The following SLC39A11 variants were observed in gnomAD, a reference collection of about 807,000 sequenced individuals.
The protein encoded by SLC39A11 is solute carrier family 39 member 11.
Under a neutral mutation model 36.1 loss-of-function variants are expected in SLC39A11, and 33 were observed. That is an observed-to-expected ratio of 0.91 (90% confidence interval 0.69 to 1.22). The LOEUF (loss-of-function observed/expected upper bound fraction) is 1.22. Among genes scored for constraint, SLC39A11 ranks in the 50% most tolerant of loss-of-function variants. The pLI is 0.00. For missense variants in SLC39A11, 432 were observed against 430.3 expected (o/e 1.00, Z -0.03); for synonymous variants, 166 against 170.3 (o/e 0.97, Z 0.20).
chr17:73,089,030 A>G (rs1263708078), intron 1 of SLC39A11, among the ~76,000 whole-genome samples: 1 of 152,310 alleles, frequency 6.6e-6, no homozygotes, highest in East Asian at 1.9e-4. Context: ...TCCACAAAAA[A>G]GGCTGCAACA....
chr17:72,884,894 A>T (rs2081373468), intron 5 of SLC39A11, among the ~76,000 whole-genome samples: 1 of 152,228 alleles, frequency 6.6e-6, no homozygotes, highest in Non-Finnish European at 1.5e-5. Flanking sequence ...AAAAATGCAT[A>T]ACGAGAGGAA....
intron 6 of SLC39A11, among the ~76,000 whole-genome samples, chr17:72,755,245 T>C (rs953001133): frequency 2.6e-5 from 4 of 152,210 alleles, no homozygotes; most frequent in African/African-American, 7.2e-5. Context: ...GAAGGAAACC[T>C]TTGCAAGTAA....
At chr17:72,688,238 C>G (rs2071848253) in intron 7 of SLC39A11, among the ~76,000 whole-genome samples, 1 of 152,198 alleles carries the variant, frequency 6.6e-6, no homozygotes, top group Admixed American at 6.5e-5. Context: ...GCCTAAGATA[C>G]CTGAATGAAG....
chr17:72,648,343 A>G lies in SLC39A11; in HGVS notation c.929+460T>C, dbSNP rs550546141. 1.5e-4 allele frequency among the ~76,000 whole-genome samples: 18 copies of G among 116,834 alleles called. No homozygotes were observed. In the East Asian group the frequency reaches 4.5e-3, roughly 29 times the overall value. The allele number at this position is 116,834 out of a possible 152,430, so 76.6% of individuals were successfully genotyped here. A position where few individuals can be genotyped will look rare whatever the true frequency, so the allele number is the denominator to read the frequency against. On this transcript the variant is annotated intron_variant, in intron 9 of 9. Coordinates refer to ENST00000255559, the MANE Select transcript of SLC39A11 (RefSeq NM_139177.4). ...AGACTCTGCCATTAAAAAAAAAAAA[A>G]AAAAGAAAAACAAAACAAAACAAAA...
intron 3 of SLC39A11, among the ~76,000 whole-genome samples, chr17:73,071,999 C>T (rs187751498): frequency 6.6e-6 from 1 of 152,112 alleles, no homozygotes; most frequent in Non-Finnish European, 1.5e-5. Context: ...AAAAATGAGC[C>T]GACTACCCTA....
intron 6 of SLC39A11, among the ~76,000 whole-genome samples, chr17:72,772,472 T>C (rs1369926513): frequency 1.3e-5 from 2 of 152,288 alleles, no homozygotes; most frequent in African/African-American, 4.8e-5. Context: ...TATCTCTCCG[T>C]TAATCCGGAA....
chr17:72,934,537 G>A (rs1473319105), intron 5 of SLC39A11, among the ~76,000 whole-genome samples: 1 of 152,122 alleles, frequency 6.6e-6, no homozygotes, highest in African/African-American at 2.4e-5. Flanking sequence ...AGGGTGGCGT[G>A]TGCCTGTAGT....
intron 4 of SLC39A11, among the ~76,000 whole-genome samples, chr17:72,990,946 C>T (rs2089133377): frequency 1.3e-5 from 2 of 152,158 alleles, no homozygotes; most frequent in South Asian, 2.1e-4. Context: ...AAATACAATT[C>T]GTTTTTCCTT....
At chr17:72,964,715 C>G (rs2086843962) in intron 4 of SLC39A11, among the ~76,000 whole-genome samples, 1 of 152,262 alleles carries the variant, frequency 6.6e-6, no homozygotes, top group South Asian at 2.1e-4. Flanking sequence ...GGATCTAGAA[C>G]TAGAAATACC....
chr17:72,693,881 C>T (rs1422899571), intron 7 of SLC39A11, among the ~76,000 whole-genome samples: 1 of 152,202 alleles, frequency 6.6e-6, no homozygotes, highest in African/African-American at 2.4e-5. Flanking sequence ...CCAGGCTGGT[C>T]TCGAATTTCT....
At chr17:72,725,007 T>C (rs2073866733) in intron 7 of SLC39A11, among the ~76,000 whole-genome samples, 1 of 152,228 alleles carries the variant, frequency 6.6e-6, no homozygotes, top group Non-Finnish European at 1.5e-5. Flanking sequence ...ATGAATGACT[T>C]GATGGCAAAT....
chr17:72,900,665 C>A (rs72847964), intron 5 of SLC39A11, among the ~76,000 whole-genome samples: 1 of 151,846 alleles, frequency 6.6e-6, no homozygotes. Flanking sequence ...GGGGGGCAGG[C>A]GCGCCCTCCA....
chr17:72,837,508 GA>G, intron 6 of SLC39A11, among the ~76,000 whole-genome samples: 2 of 152,220 alleles, frequency 1.3e-5, no homozygotes, highest in Middle Eastern at 6.8e-3. Context: ...TGGCTTCAAA[GA>G]GTTCAAAGGT....
intron 7 of SLC39A11, among the ~76,000 whole-genome samples, chr17:72,675,404 G>C (rs1230694207): frequency 2.0e-5 from 3 of 152,216 alleles, no homozygotes; most frequent in African/African-American, 7.2e-5. Context: ...CCAGTCTCCA[G>C]AACTGTCAGA....
At chr17:72,927,113 C>T (rs2147354299) in intron 5 of SLC39A11, among the ~76,000 whole-genome samples, 1 of 152,292 alleles carries the variant, frequency 6.6e-6, no homozygotes, top group African/African-American at 2.4e-5. Context: ...GTGGTGTGAT[C>T]TTAGCTCACA....
chr17:72,917,156 C>T (rs764408579), intron 5 of SLC39A11, among the ~76,000 whole-genome samples: 1 of 152,226 alleles, frequency 6.6e-6, no homozygotes, highest in Non-Finnish European at 1.5e-5. Context: ...ATAACAAACA[C>T]AGCTGTTTCC....
intron 3 of SLC39A11, 31 bp downstream of exon 3, chr17:73,084,777 A>G (rs1319364662): frequency 1.2e-6 from 2 of 1,612,924 alleles, no homozygotes; most frequent in Non-Finnish European, 1.7e-6. Context: ...GTATGCCTCA[A>G]TTTCCATTTC....
chr17:72,683,333 ATT>A lies in SLC39A11; in HGVS notation c.672-34067_672-34066del, dbSNP rs112326860. Reference sequence around the variant, plus strand: ...TTGCTGCCCCATTTCCTTGAGACTAATTTTTTTTTTTTTTTTTTTGGATACAC... The same window carrying A: ...TTGCTGCCCCATTTCCTTGAGACTAATTTTTTTTTTTTTTTTTGGATACAC... On this transcript the variant is annotated intron_variant, in intron 7 of 9. Transcript: ENST00000255559. Among the ~76,000 whole-genome samples, 723 of 134,520 alleles carry A rather than the reference ATT, an allele frequency of 5.4e-3. 7 individuals carry two copies. The highest frequency in any genetic ancestry group is 0.018 in the African/African-American group (646 of 36,630). 88.3% of individuals were successfully genotyped at this position (134,520 alleles called of 152,430 possible).
At chr17:72,745,345 C>T (rs1397190853) in intron 6 of SLC39A11, among the ~76,000 whole-genome samples, 1 of 152,186 alleles carries the variant, frequency 6.6e-6, no homozygotes, top group Non-Finnish European at 1.5e-5. Context: ...GACTATGGTC[C>T]CTGGGATATG....
Sources: allele counts gnomAD v4.1 joint callset (sites outside exome capture counted in the v4.1 genomes callset), GRCh38; gene constraint gnomAD v4.1.1; transcripts MANE v1.5; gene names NCBI Gene and HGNC (gene_info 2026-07-23, HGNC 2026-07-21).